Variants in GRIK2 observed in about 807,000 individuals in gnomAD.
GRIK2 encodes the protein glutamate receptor ionotropic, kainate 2.
GRIK2 carries 32 observed loss-of-function variants against 100.3 expected under a neutral mutation model. The observed-to-expected ratio is 0.32, with a 90% CI of 0.24 to 0.43. The LOEUF (loss-of-function observed/expected upper bound fraction) is 0.43, where lower values mean the gene tolerates loss of function less well. Among genes scored for constraint, GRIK2 ranks in the 20% least tolerant of loss-of-function variants. The probability of loss-of-function intolerance (pLI) is 1.00; values close to 1 mark genes in which losing one functional copy is unlikely to be tolerated. For synonymous variants in GRIK2, 417 were observed against 389.4 expected (o/e 1.07, Z -0.83); for missense variants, 843 against 1,114.9 (o/e 0.76, Z 3.47).
At chr6:101,485,768 G>T (rs750942594) in intron 2 of GRIK2, among the ~76,000 whole-genome samples, 1 of 152,040 alleles carries the variant, frequency 6.6e-6, no homozygotes, top group Non-Finnish European at 1.5e-5. Flanking sequence ...TACAATTATA[G>T]CAACATTTCT....
intron 7 of GRIK2, among the ~76,000 whole-genome samples, chr6:101,693,446 AAACTT>A (rs1772253185): frequency 6.6e-6 from 1 of 151,934 alleles, no homozygotes; most frequent in African/African-American, 2.4e-5. Context: ...GAAAAAAAAA[AAACTT>A]TACCTGTCTT....
chr6:101,731,673 A>C (rs899601614), intron 7 of GRIK2, among the ~76,000 whole-genome samples: 1 of 152,034 alleles, frequency 6.6e-6, no homozygotes, highest in African/African-American at 2.4e-5. Flanking sequence ...GAACCAGGAA[A>C]ATGTTGTAAT....
chr6:101,581,165 T>TAC (rs1258288492), intron 2 of GRIK2, among the ~76,000 whole-genome samples: 1 of 133,210 alleles, frequency 7.5e-6, no homozygotes, highest in African/African-American at 2.9e-5. Flanking sequence ...GAGATATATA[T>TAC]ACATATATAT....
intron 2 of GRIK2, among the ~76,000 whole-genome samples, chr6:101,451,699 G>A (rs1273767002): frequency 1.7e-5 from 1 of 59,800 alleles, no homozygotes; most frequent in Admixed American, 2.1e-4. Context: ...TCTCTGAGGG[G>A]GGGGGGGGTG....
At chr6:101,525,483 A>C (rs547969037) in intron 2 of GRIK2, among the ~76,000 whole-genome samples, 2 of 152,310 alleles carry the variant, frequency 1.3e-5, no homozygotes, top group Non-Finnish European at 2.9e-5. Context: ...CTATGATATC[A>C]GATGTGTAGG....
At chr6:101,824,178 C>T (rs1583215034) in intron 10 of GRIK2, among the ~76,000 whole-genome samples, 1 of 152,186 alleles carries the variant, frequency 6.6e-6, no homozygotes, top group Non-Finnish European at 1.5e-5. Flanking sequence ...AGCCACCATG[C>T]CCGGCCATGA....
chr6:101,961,340 G>A (rs572949727), intron 14 of GRIK2, among the ~76,000 whole-genome samples: 1 of 148,500 alleles, frequency 6.7e-6, no homozygotes, highest in Non-Finnish European at 1.5e-5. Flanking sequence ...TCTGTGTAGA[G>A]TGAGGGATGG....
Position 102,060,794 on chromosome 6 carries a change from A to T in GRIK2, c.2562+5214A>T, listed in dbSNP as rs577510835. ...TTCTAAGTAAATTTTCAGTGTAAAA[A>T]TTATAGCTGTAAAGCATAATTATAT... is the stretch of plus-strand genomic sequence containing the variant. On this transcript the variant is annotated intron_variant, in intron 16 of 16. Transcript: ENST00000369134. Among the ~76,000 whole-genome samples, 877 of 150,782 alleles carry T rather than the reference A, an allele frequency of 5.8e-3. 8 individuals are homozygous for T. The highest frequency in any genetic ancestry group is 0.02 in the African/African-American group (841 of 41,426).
chr6:101,439,329 C>A (rs1769915431), intron 2 of GRIK2, among the ~76,000 whole-genome samples: 1 of 152,084 alleles, frequency 6.6e-6, no homozygotes, highest in Admixed American at 6.6e-5. Flanking sequence ...TAAAGAGCAT[C>A]TTGAGGCCTT....
At chr6:101,856,264 G>A (rs2791837) in intron 10 of GRIK2, among the ~76,000 whole-genome samples, 110,104 of 152,026 alleles carry the variant, frequency 0.72, 42,290 homozygotes, top group Non-Finnish European at 0.87. Context: ...ATCAGTTTGA[G>A]TAGCAGAGTA....
At chr6:101,651,829 A>G (rs1301452133) in intron 4 of GRIK2, among the ~76,000 whole-genome samples, 1 of 152,152 alleles carries the variant, frequency 6.6e-6, no homozygotes, top group African/African-American at 2.4e-5. Context: ...TCTGGGATGA[A>G]CTATTCATTT....
chr6:101,562,962 A>T (rs180852109), intron 2 of GRIK2, among the ~76,000 whole-genome samples: 1 of 152,342 alleles, frequency 6.6e-6, no homozygotes, highest in East Asian at 1.9e-4. Flanking sequence ...GTGAAGCTTT[A>T]TAAGCTGCTA....
intron 2 of GRIK2, among the ~76,000 whole-genome samples, chr6:101,526,265 A>G (rs1023038451): frequency 3.4e-4 from 52 of 152,170 alleles, no homozygotes; most frequent in African/African-American, 1.2e-3. Context: ...TTGTAACACA[A>G]TTCATGATTT....
At chr6:101,419,318 A>G (rs996469353) in intron 2 of GRIK2, among the ~76,000 whole-genome samples, 8 of 152,098 alleles carry the variant, frequency 5.3e-5, no homozygotes, top group African/African-American at 1.9e-4. Flanking sequence ...TTGTGTAGCC[A>G]GTAGCTTCAT....
intron 14 of GRIK2, among the ~76,000 whole-genome samples, chr6:101,952,203 T>G (rs948696181): frequency 1.3e-5 from 2 of 152,222 alleles, no homozygotes; most frequent in African/African-American, 4.8e-5. Flanking sequence ...ATTAGCTTTT[T>G]CCACTTAGCT....
In GRIK2 at chr6:101,506,713, A is replaced by C. The variant is rs996972058; in HGVS notation, c.115+107321A>C. ...ATACTGTTAGCTCATGAAGTATTTT[A>C]AATAATAGTTTTATGTATTCAGCTA... On this transcript the variant is annotated intron_variant, in intron 2 of 16. Coordinates refer to ENST00000369134, the MANE Select transcript of GRIK2 (RefSeq NM_021956.5). 2.0e-5 allele frequency among the ~76,000 whole-genome samples: 3 copies of C among 152,188 alleles called. No homozygotes were observed. In the East Asian group the frequency reaches 5.8e-4, roughly 29 times the overall value.
At chr6:101,886,071 A>G (rs1786591882) in intron 11 of GRIK2, among the ~76,000 whole-genome samples, 1 of 152,154 alleles carries the variant, frequency 6.6e-6, no homozygotes, top group Non-Finnish European at 1.5e-5. Context: ...ATTCAGCACT[A>G]TCTCAATTCT....
intron 16 of GRIK2, among the ~76,000 whole-genome samples, chr6:102,062,740 CATTAACT>C (rs1771817720): frequency 6.6e-6 from 1 of 150,406 alleles, no homozygotes; most frequent in Non-Finnish European, 1.5e-5. Flanking sequence ...TGATGTATAG[CATTAACT>C]GTTTGATGTT....
Position 101,574,291 on chromosome 6 carries a change from T to C in GRIK2, c.116-47658T>C, listed in dbSNP as rs9390761. Among the ~76,000 whole-genome samples, 9 of 147,836 alleles carry C rather than the reference T, an allele frequency of 6.1e-5. No individual in the cohort carries two copies. The East Asian group carries it at 1.8e-3, about 29-fold the overall frequency. ...AATAAGCTGTTAAAGTGTATATATA[T>C]ACACTGTATATATTTATATATTTAA... On this transcript the variant is annotated intron_variant, in intron 2 of 16. Coordinates refer to ENST00000369134, the MANE Select transcript of GRIK2 (RefSeq NM_021956.5).
Sources: allele counts gnomAD v4.1 joint callset (sites outside exome capture counted in the v4.1 genomes callset), GRCh38; gene constraint gnomAD v4.1.1; transcripts MANE v1.5; gene names NCBI Gene and HGNC (gene_info 2026-07-23, HGNC 2026-07-21).